The following SLC14A2 variants were observed in gnomAD, a reference collection of about 807,000 sequenced individuals.
SLC14A2 encodes solute carrier family 14 member 2.
In SLC14A2, 91 loss-of-function variants were observed where a neutral mutation model predicts 104.6. That is an observed-to-expected ratio of 0.87 (90% confidence interval 0.73 to 1.04). The LOEUF is 1.04. SLC14A2 is among the 50% of genes least tolerant of loss of function. The probability of loss-of-function intolerance (pLI) is 0.00; values close to 1 mark genes in which losing one functional copy is unlikely to be tolerated. For missense variants in SLC14A2, 1,189 were observed against 1,156.0 expected (o/e 1.03, Z -0.41); for synonymous variants, 476 against 466.4 (o/e 1.02, Z -0.27).
At chr18:45,372,260 C>T (rs982647705) in intron 1 of SLC14A2, among the ~76,000 whole-genome samples, 4 of 151,986 alleles carry the variant, frequency 2.6e-5, no homozygotes, top group South Asian at 2.1e-4. Flanking sequence ...TGCAGTGAGT[C>T]AAGATCATGC....
At chr18:45,497,077 G>C (rs1464752370) in intron 2 of SLC14A2, among the ~76,000 whole-genome samples, 1 of 152,148 alleles carries the variant, frequency 6.6e-6, no homozygotes, top group Non-Finnish European at 1.5e-5. Context: ...ACTTTGCCTT[G>C]TAATAGTGTG....
At chr18:45,516,120 T>C (rs2043437190) in intron 2 of SLC14A2, among the ~76,000 whole-genome samples, 2 of 152,224 alleles carry the variant, frequency 1.3e-5, no homozygotes, top group African/African-American at 4.8e-5. Context: ...AGCATAAGGC[T>C]GTGTTGATGC....
At chr18:45,638,512 A>T (rs573308146) in intron 6 of SLC14A2, among the ~76,000 whole-genome samples, 1 of 152,288 alleles carries the variant, frequency 6.6e-6, no homozygotes, top group South Asian at 2.1e-4. Flanking sequence ...GATCATCTAT[A>T]ACTAATCTCC....
intron 2 of SLC14A2, chr18:45,529,513 T>C (rs746183646): frequency 6.6e-6 from 1 of 152,204 alleles, no homozygotes; most frequent in Non-Finnish European, 1.5e-5. Flanking sequence ...GATCTCTGCA[T>C]ATTATGCCGA....
In SLC14A2 at chr18:45,461,840, A is replaced by C. The variant is rs2087050787; in HGVS notation, c.-124-21393A>C. Among the ~76,000 whole-genome samples, 3 of 152,244 alleles carry C rather than the reference A, an allele frequency of 2.0e-5. No homozygotes were observed. In the South Asian group the frequency reaches 6.2e-4, roughly 32 times the overall value. ...AACAATTTATAAAAGATTGCAACTC[A>C]TCAATTCTTCGTAAATACTGTGAAT... On this transcript the variant is annotated intron_variant, in intron 1 of 20. Transcript: ENST00000586448.
At chr18:45,572,260 G>A (rs77157732) in intron 2 of SLC14A2, among the ~76,000 whole-genome samples, 59 of 152,274 alleles carry the variant, frequency 3.9e-4, no homozygotes, top group African/African-American at 8.9e-4. Flanking sequence ...ACTACCTTCC[G>A]TCTTCTTTCC....
At chr18:45,514,813 T>G (rs989087030) in intron 2 of SLC14A2, among the ~76,000 whole-genome samples, 2 of 152,196 alleles carry the variant, frequency 1.3e-5, no homozygotes, top group African/African-American at 4.8e-5. Context: ...ACAAACTCAC[T>G]TTTGCTTATA....
chr18:45,241,871 G>A (rs529097807), intron 1 of SLC14A2, among the ~76,000 whole-genome samples: 7 of 151,824 alleles, frequency 4.6e-5, no homozygotes, highest in Non-Finnish European at 1.0e-4. Context: ...TCGAACTCCC[G>A]ACCTCAGGTG....
the SLC14A2 span, among the ~76,000 whole-genome samples, chr18:45,201,970 G>A: frequency 1.3e-5 from 2 of 151,898 alleles, no homozygotes; most frequent in Non-Finnish European, 2.9e-5. Context: ...TCTAAGAATG[G>A]GTCTAATAAT....
chr18:45,305,873 A>G (rs1034689187), intron 1 of SLC14A2, among the ~76,000 whole-genome samples: 1 of 152,172 alleles, frequency 6.6e-6, no homozygotes, highest in Non-Finnish European at 1.5e-5. Flanking sequence ...TCGATTTACA[A>G]TTTTATTAAG....
chr18:45,632,356 C>T lies in SLC14A2; in HGVS notation c.528C>T (p.Ala176=), dbSNP rs755199884. 1 of 1,611,288 alleles carries T rather than the reference C, an allele frequency of 6.2e-7. No individual in the cohort carries two copies. Among genetic ancestry groups the T allele is most frequent in the Non-Finnish European group, 8.5e-7 (1 of 1,179,028 alleles). The part of the protein sequence containing the change: ...TALALGQDRS[A]IASGLHGYNG... ...CAGTCTGTTTCACCGCCAGGTCTGCCATTGCCTCAGGACTCCATGGGTACA... is the reference window on the plus strand; with the variant it reads ...CAGTCTGTTTCACCGCCAGGTCTGCTATTGCCTCAGGACTCCATGGGTACA... Residue 176 remains alanine, a synonymous_variant, in exon 5 of 20, where the codon GCC becomes GCT. Transcript: ENST00000255226.
intron 18 of SLC14A2, among the ~76,000 whole-genome samples, chr18:45,676,239 G>C (rs1475090001): frequency 6.6e-6 from 1 of 152,208 alleles, no homozygotes. Flanking sequence ...AAGATTCAGA[G>C]TCAAGACTGT....
At chr18:45,207,497 A>G in the SLC14A2 span, among the ~76,000 whole-genome samples, 1 of 151,880 alleles carries the variant, frequency 6.6e-6, no homozygotes, top group Non-Finnish European at 1.5e-5. Flanking sequence ...GGAAAAATAA[A>G]CCTAATAATG....
At chr18:45,365,985 A>G (rs2085661815) in intron 1 of SLC14A2, among the ~76,000 whole-genome samples, 1 of 150,576 alleles carries the variant, frequency 6.6e-6, no homozygotes, top group Non-Finnish European at 1.5e-5. Flanking sequence ...CAAGCAAAGC[A>G]AAAGGACCAA....
At chr18:45,677,614 G>A (rs1014365688) in intron 18 of SLC14A2, among the ~76,000 whole-genome samples, 5 of 152,196 alleles carry the variant, frequency 3.3e-5, no homozygotes, top group African/African-American at 4.8e-5. Context: ...GACACATAGG[G>A]AATGTCCAGT....
chr18:45,213,845 T>C (rs549708138), intron 1 of SLC14A2, among the ~76,000 whole-genome samples: 1 of 152,210 alleles, frequency 6.6e-6, no homozygotes, highest in Non-Finnish European at 1.5e-5. Flanking sequence ...TGATTCTCGC[T>C]TTCCCATCAT....
intron 15 of SLC14A2, 51 bp downstream of exon 15, chr18:45,668,528 T>G (rs1476134744): frequency 1.2e-6 from 2 of 1,605,934 alleles, no homozygotes; most frequent in African/African-American, 2.7e-5. Flanking sequence ...CCACCAACCT[T>G]TTCATCCCAA....
intron 2 of SLC14A2, among the ~76,000 whole-genome samples, chr18:45,497,147 C>T (rs2043111621): frequency 6.6e-6 from 1 of 152,024 alleles, no homozygotes; most frequent in Non-Finnish European, 1.5e-5. Context: ...TGTATATATA[C>T]ACACACACAT....
At chr18:45,412,888 A>G (rs2086229243) in intron 1 of SLC14A2, among the ~76,000 whole-genome samples, 1 of 152,144 alleles carries the variant, frequency 6.6e-6, no homozygotes, top group Non-Finnish European at 1.5e-5. Flanking sequence ...GGGAATAGCT[A>G]CTGCTCATCT....
Sources: allele counts gnomAD v4.1 joint callset (sites outside exome capture counted in the v4.1 genomes callset), GRCh38; gene constraint gnomAD v4.1.1; transcripts MANE v1.5; gene names NCBI Gene and HGNC (gene_info 2026-07-23, HGNC 2026-07-21).